FLI1: variants seen among roughly 807,000 people sequenced by gnomAD.
FLI1 encodes the protein Fli-1 proto-oncogene, ETS transcription factor.
A neutral mutation model predicts 53.1 loss-of-function variants in FLI1; 13 were observed. The observed-to-expected ratio is 0.24, with a 90% CI of 0.16 to 0.39. The LOEUF is 0.39. FLI1 is among the 10% of genes least tolerant of loss of function. The probability of loss-of-function intolerance (pLI) is 1.00; values close to 1 mark genes in which losing one functional copy is unlikely to be tolerated. For missense variants in FLI1, 424 were observed against 600.5 expected (o/e 0.71, Z 3.07); for synonymous variants, 244 against 236.7 (o/e 1.03, Z -0.28).
At chr11:128,798,098 C>T (rs1215630656) in intron 5 of FLI1, among the ~76,000 whole-genome samples, 3 of 152,154 alleles carry the variant, frequency 2.0e-5, no homozygotes, top group African/African-American at 7.2e-5. Flanking sequence ...TATCCTCAAG[C>T]CTGATTACCT....
At chr11:128,737,809 T>A (rs550136551) in intron 1 of FLI1, among the ~76,000 whole-genome samples, 3 of 152,342 alleles carry the variant, frequency 2.0e-5, no homozygotes, top group Non-Finnish European at 4.4e-5. Flanking sequence ...GTTCACTTTC[T>A]ATCTACCTGC....
At chr11:128,721,964 G>C (rs941303956) in intron 1 of FLI1, among the ~76,000 whole-genome samples, 13 of 152,136 alleles carry the variant, frequency 8.5e-5, no homozygotes, top group Non-Finnish European at 2.9e-5. Context: ...GAGGCTCCCT[G>C]GTCATCTTGA....
chr11:128,789,939 C>T (rs1394152385), intron 5 of FLI1, among the ~76,000 whole-genome samples: 1 of 152,164 alleles, frequency 6.6e-6, no homozygotes, highest in Admixed American at 6.5e-5. Context: ...TGGAGGGTAT[C>T]GCGGCCTCAC....
At chr11:128,702,302 A>C (rs1021720554) in intron 1 of FLI1, among the ~76,000 whole-genome samples, 8 of 152,228 alleles carry the variant, frequency 5.3e-5, no homozygotes, top group African/African-American at 1.9e-4. Context: ...GAGAGTAGAC[A>C]TTTCTCTTCT....
At chr11:128,720,333 G>A (rs535465346) in intron 1 of FLI1, among the ~76,000 whole-genome samples, 3 of 152,338 alleles carry the variant, frequency 2.0e-5, no homozygotes, top group Non-Finnish European at 4.4e-5. Context: ...GTTATGCCCA[G>A]CTTCTGGACC....
rs145654087 is a variant in FLI1, at chr11:128,694,173, C to T, written c.-86C>T. 17 of 1,442,344 alleles carry T rather than the reference C, an allele frequency of 1.2e-5. No individual in the cohort carries two copies. In the Middle Eastern group the frequency reaches 5.5e-4, roughly 46 times the overall value. 89.3% of individuals were successfully genotyped at this position (1,442,344 alleles called of 1,614,324 possible). A position where few individuals can be genotyped will look rare whatever the true frequency, so the allele number is the denominator to read the frequency against. ...GCCCAGGGCGCCAGGGAGGCCGCGCCGGGCTAATCCGAAGGGGCTGCGAGG... is the reference window on the plus strand; with the variant it reads ...GCCCAGGGCGCCAGGGAGGCCGCGCTGGGCTAATCCGAAGGGGCTGCGAGG... On this transcript the variant is annotated 5_prime_UTR_variant, in exon 1 of 9. Transcript: ENST00000527786.
chr11:128,796,443 A>C (rs774257712), intron 5 of FLI1, among the ~76,000 whole-genome samples: 1 of 152,114 alleles, frequency 6.6e-6, no homozygotes, highest in Non-Finnish European at 1.5e-5. Context: ...CACATATGCT[A>C]CCTCTCAGGC....
upstream of FLI1, among the ~76,000 whole-genome samples, chr11:128,689,977 T>C (rs1292603057): frequency 6.6e-6 from 1 of 152,108 alleles, no homozygotes; most frequent in Non-Finnish European, 1.5e-5. Context: ...CTTCCTTCAC[T>C]CTGTGAGTAG....
At chr11:128,701,807 C>T (rs1040007800) in intron 1 of FLI1, among the ~76,000 whole-genome samples, 4 of 152,190 alleles carry the variant, frequency 2.6e-5, no homozygotes, top group African/African-American at 9.7e-5. Flanking sequence ...TGCACACATG[C>T]AAGAGGCTGG....
intron 1 of FLI1, among the ~76,000 whole-genome samples, chr11:128,736,854 T>TG (rs1939935100): frequency 6.6e-6 from 1 of 152,142 alleles, no homozygotes; most frequent in South Asian, 2.1e-4. Flanking sequence ...TGCAGGTGTG[T>TG]GGGGAGAACC....
intron 5 of FLI1, among the ~76,000 whole-genome samples, chr11:128,793,401 G>A (rs548755752): frequency 4.5e-4 from 69 of 152,206 alleles, no homozygotes; most frequent in African/African-American, 1.6e-3. Context: ...GGTAGATGAA[G>A]GAATGAGGAG....
chr11:128,690,303 G>T (rs1243378910), upstream of FLI1, among the ~76,000 whole-genome samples: 1 of 152,086 alleles, frequency 6.6e-6, no homozygotes, highest in Non-Finnish European at 1.5e-5. Context: ...GACCAGAGGG[G>T]CATGGGAGGG....
chr11:128,786,845 A>G (rs1265915948), intron 5 of FLI1, among the ~76,000 whole-genome samples: 1 of 152,204 alleles, frequency 6.6e-6, no homozygotes, highest in Non-Finnish European at 1.5e-5. Flanking sequence ...GACAGAGGAT[A>G]TTGAGTTCCT....
intron 1 of FLI1, among the ~76,000 whole-genome samples, chr11:128,757,092 C>CTTT (rs752180452): frequency 3.3e-4 from 48 of 147,000 alleles, no homozygotes; most frequent in African/African-American, 1.2e-3. Flanking sequence ...TTCTTTCTTT[C>CTTT]TTTCTTTCTT....
chr11:128,694,468 A>G (rs1287103927), intron 1 of FLI1, among the ~76,000 whole-genome samples, 192 bp downstream of exon 1: 1 of 76,670 alleles, frequency 1.3e-5, no homozygotes, highest in Non-Finnish European at 2.5e-5. Context: ...AGGCGCCCGC[A>G]TTGAGGGCGA....
intron 1 of FLI1, among the ~76,000 whole-genome samples, chr11:128,704,981 T>G (rs1483635779): frequency 1.3e-5 from 2 of 152,242 alleles, no homozygotes; most frequent in Non-Finnish European, 2.9e-5. Flanking sequence ...ATTTCCATTT[T>G]GAAGAGATTG....
chr11:128,750,027 C>T (rs182048748), intron 1 of FLI1, among the ~76,000 whole-genome samples: 2 of 152,314 alleles, frequency 1.3e-5, no homozygotes, highest in Non-Finnish European at 2.9e-5. Context: ...GTATCTTGTT[C>T]GCATTTCATA....
intron 3 of FLI1, among the ~76,000 whole-genome samples, chr11:128,772,027 ACCACACACAC>A (rs1436423337): frequency 7.7e-5 from 9 of 116,328 alleles, no homozygotes; most frequent in Admixed American, 7.0e-4. Context: ...CAACATCCCC[ACCACACACAC>A]ACACACACAC....
intron 1 of FLI1, among the ~76,000 whole-genome samples, chr11:128,751,777 C>T (rs1187418674): frequency 4.6e-5 from 7 of 151,510 alleles, no homozygotes; most frequent in Non-Finnish European, 1.0e-4. Context: ...ATCCACCCAC[C>T]TCAGCCTCCC....
Sources: allele counts gnomAD v4.1 joint callset (sites outside exome capture counted in the v4.1 genomes callset), GRCh38; gene constraint gnomAD v4.1.1; transcripts MANE v1.5; gene names NCBI Gene and HGNC (gene_info 2026-07-23, HGNC 2026-07-21).